The following PCED1B variants were observed in gnomAD, a reference collection of about 807,000 sequenced individuals.
The protein encoded by PCED1B is PC-esterase domain containing 1B.
For synonymous variants in PCED1B, 251 were observed against 246.1 expected (o/e 1.02, Z -0.19); for missense variants, 573 against 573.9 (o/e 1.00, Z 0.02).
At chr12:47,116,861 A>G (rs1001165341) in intron 2 of PCED1B, among the ~76,000 whole-genome samples, 4 of 152,254 alleles carry the variant, frequency 2.6e-5, no homozygotes, top group Admixed American at 2.0e-4. Flanking sequence ...GACATAATTC[A>G]TATATCAACA....
intron 3 of PCED1B, among the ~76,000 whole-genome samples, chr12:47,233,359 T>A (rs555684460): frequency 6.6e-6 from 1 of 151,924 alleles, no homozygotes; most frequent in South Asian, 2.1e-4. Flanking sequence ...GCCAGAAAGG[T>A]CTCGATCTGA....
At chr12:47,215,573 A>C (rs1943231506) in intron 2 of PCED1B, among the ~76,000 whole-genome samples, 1 of 152,074 alleles carries the variant, frequency 6.6e-6, no homozygotes, top group African/African-American at 2.4e-5. Flanking sequence ...CCTTTTAAGC[A>C]CGCTGTCCCC....
At chr12:47,218,350 C>T (rs774107191) in intron 3 of PCED1B, among the ~76,000 whole-genome samples, 1 of 152,402 alleles carries the variant, frequency 6.6e-6, no homozygotes, top group Non-Finnish European at 1.5e-5. Context: ...TCCTCAGCTT[C>T]CTTAGTCCCT....
At chr12:47,187,887 G>A (rs1016075489) in intron 2 of PCED1B, 3 of 154,026 alleles carry the variant, frequency 1.9e-5, no homozygotes, top group East Asian at 2.0e-4. Flanking sequence ...ACCCCAGAAG[G>A]AGCAAAACTT....
intron 2 of PCED1B, among the ~76,000 whole-genome samples, chr12:47,147,521 G>A (rs1940837107): frequency 6.6e-6 from 1 of 151,862 alleles, no homozygotes; most frequent in Admixed American, 6.6e-5. Flanking sequence ...TATTTCTACT[G>A]ATATCTATTT....
intron 2 of PCED1B, among the ~76,000 whole-genome samples, chr12:47,176,546 C>T (rs77069787): frequency 0.02 from 3,050 of 152,340 alleles, 52 homozygotes; most frequent in Middle Eastern, 0.075. Context: ...GTACCTTGTC[C>T]TATGCATCTC....
intron 2 of PCED1B, among the ~76,000 whole-genome samples, chr12:47,152,574 A>C (rs560408289): frequency 1.9e-4 from 29 of 152,340 alleles, no homozygotes; most frequent in African/African-American, 7.0e-4. Context: ...AAAAAGGATA[A>C]TTGGAGAAAT....
chr12:47,151,203 T>C (rs561251960), intron 2 of PCED1B, among the ~76,000 whole-genome samples: 1 of 152,082 alleles, frequency 6.6e-6, no homozygotes, highest in Non-Finnish European at 1.5e-5. Flanking sequence ...AACATTTTAG[T>C]CAATGATGGA....
chr12:47,143,102 A>T (rs1279654006), intron 2 of PCED1B, among the ~76,000 whole-genome samples: 9 of 152,162 alleles, frequency 5.9e-5, no homozygotes. Context: ...CACAGCTAAC[A>T]TCATACCCAG....
chr12:47,191,974 G>C (rs1942455618), intron 2 of PCED1B, among the ~76,000 whole-genome samples: 1 of 152,084 alleles, frequency 6.6e-6, no homozygotes, highest in African/African-American at 2.4e-5. Context: ...ATGATTGACT[G>C]TTTTCTCTCT....
At chr12:47,083,449 C>G (rs554223511) in intron 1 of PCED1B, among the ~76,000 whole-genome samples, 1 of 152,172 alleles carries the variant, frequency 6.6e-6, no homozygotes, top group Non-Finnish European at 1.5e-5. Context: ...GCGGGCAGCA[C>G]TCTTAATAGG....
intron 2 of PCED1B, among the ~76,000 whole-genome samples, chr12:47,173,166 A>G (rs973270532): frequency 2.6e-5 from 4 of 152,252 alleles, no homozygotes; most frequent in Non-Finnish European, 5.9e-5. Context: ...AGTAGAAGGA[A>G]AAAACCAACC....
At chr12:47,212,485 T>G (rs1407384754) in intron 2 of PCED1B, among the ~76,000 whole-genome samples, 1 of 152,122 alleles carries the variant, frequency 6.6e-6, no homozygotes, top group Non-Finnish European at 1.5e-5. Flanking sequence ...GGAAGCCTGG[T>G]CTTTAGTCCA....
At chr12:47,149,507 A>G (rs1487264932) in intron 2 of PCED1B, among the ~76,000 whole-genome samples, 1 of 152,164 alleles carries the variant, frequency 6.6e-6, no homozygotes, top group Admixed American at 6.6e-5. Flanking sequence ...TGGCCTACCT[A>G]TAGGTGCACT....
At chr12:47,219,623 C>T (rs1232622704) in intron 3 of PCED1B, among the ~76,000 whole-genome samples, 3 of 152,166 alleles carry the variant, frequency 2.0e-5, no homozygotes, top group Non-Finnish European at 2.9e-5. Context: ...GGTTTTCCAT[C>T]GGCTTTTAAG....
At chr12:47,087,966 A>G (rs1938068470) in intron 1 of PCED1B, among the ~76,000 whole-genome samples, 1 of 152,206 alleles carries the variant, frequency 6.6e-6, no homozygotes, top group East Asian at 1.9e-4. Flanking sequence ...TGAATAAAGA[A>G]TCAAATCCCT....
At chr12:47,147,269 G>A (rs576884667) in intron 2 of PCED1B, among the ~76,000 whole-genome samples, 1 of 152,082 alleles carries the variant, frequency 6.6e-6, no homozygotes, top group East Asian at 1.9e-4. Flanking sequence ...CACTTGCCTC[G>A]GCCTCCCAAA....
At chr12:47,200,756 C>T (rs1244610506) in intron 2 of PCED1B, among the ~76,000 whole-genome samples, 1 of 152,228 alleles carries the variant, frequency 6.6e-6, no homozygotes, top group Non-Finnish European at 1.5e-5. Context: ...TACAGAATTC[C>T]ACTGCTCTGC....
At chr12:47,200,922 A>G (rs1056967216) in intron 2 of PCED1B, among the ~76,000 whole-genome samples, 2 of 152,274 alleles carry the variant, frequency 1.3e-5, no homozygotes, top group Admixed American at 1.3e-4. Context: ...AAAAAACAAT[A>G]TAGACATTTG....
Sources: gnomAD v4.1 joint callset for allele counts (sites outside exome capture counted in the v4.1 genomes callset) on GRCh38, gnomAD v4.1.1 for gene constraint, MANE v1.5 for transcripts, NCBI Gene and HGNC (gene_info 2026-07-23, HGNC 2026-07-21) for gene names.